SLC35D4: variants seen among roughly 807,000 people sequenced by gnomAD.
SLC35D4 encodes UDP-N-acetylglucosamine transporter SLC35D4.
the SLC35D4 span, chr18:23,384,879 T>G: frequency 1.1e-6 from 1 of 885,812 alleles, no homozygotes; most frequent in Non-Finnish European, 1.8e-6. Flanking sequence ...TAATCTTGCC[T>G]GGAGATTGGT....
chr18:23,277,563 G>C, the SLC35D4 span, among the ~76,000 whole-genome samples: 1 of 152,196 alleles, frequency 6.6e-6, no homozygotes, highest in Admixed American at 6.5e-5. Flanking sequence ...AGCTTCAGCA[G>C]GCTAGTCTGG....
At chr18:23,418,769 A>T in the SLC35D4 span, among the ~76,000 whole-genome samples, 3 of 151,904 alleles carry the variant, frequency 2.0e-5, no homozygotes, top group Non-Finnish European at 4.4e-5. Flanking sequence ...GCACTTTGGG[A>T]GGCCGAAGCG....
the SLC35D4 span, among the ~76,000 whole-genome samples, chr18:23,275,168 G>A: frequency 6.6e-6 from 1 of 151,948 alleles, no homozygotes; most frequent in Admixed American, 6.6e-5. Context: ...GCAGGGTGCA[G>A]GGAGGGGCAG....
At chr18:23,363,731 GTGGCAGCTACC>G in the SLC35D4 span, among the ~76,000 whole-genome samples, 3 of 152,156 alleles carry the variant, frequency 2.0e-5, no homozygotes, top group South Asian at 6.2e-4. Context: ...TGTCTGCTGG[GTGGCAGCTACC>G]TGGCTGCATA....
At chr18:23,371,935 G>GTTTTTTGTTTTT in the SLC35D4 span, among the ~76,000 whole-genome samples, 10 of 35,470 alleles carry the variant, frequency 2.8e-4, 1 homozygote, top group African/African-American at 1.1e-3. Flanking sequence ...TGTTTTTTTT[G>GTTTTTTGTTTTT]TTTTTTTTTT....
At chr18:23,319,095 C>T in the SLC35D4 span, among the ~76,000 whole-genome samples, 4 of 151,918 alleles carry the variant, frequency 2.6e-5, no homozygotes, top group African/African-American at 7.3e-5. Flanking sequence ...CCACCCACCT[C>T]GGCCTCCCAG....
At chr18:23,390,616 A>G in the SLC35D4 span, among the ~76,000 whole-genome samples, 4 of 152,098 alleles carry the variant, frequency 2.6e-5, no homozygotes, top group African/African-American at 9.7e-5. Context: ...TGGAATTTTG[A>G]AGGCTTGGTT....
the SLC35D4 span, chr18:23,297,873 C>T: frequency 1.7e-5 from 18 of 1,034,528 alleles, no homozygotes; most frequent in Non-Finnish European, 2.6e-5. Context: ...ATGGCACTGC[C>T]CACCTGGCCT....
At chr18:23,306,409 C>T in the SLC35D4 span, among the ~76,000 whole-genome samples, 1,014 of 152,076 alleles carry the variant, frequency 6.7e-3, 6 homozygotes, top group Middle Eastern at 0.01. Flanking sequence ...CGGGTTCAAG[C>T]GATTCTCCTG....
the SLC35D4 span, among the ~76,000 whole-genome samples, chr18:23,287,038 A>G: frequency 0.16 from 23,497 of 145,810 alleles, 2,583 homozygotes; most frequent in African/African-American, 0.26. Context: ...CCCGCTCAAT[A>G]CCAATATCCC....
At chr18:23,405,014 A>C in the SLC35D4 span, among the ~76,000 whole-genome samples, 4 of 150,694 alleles carry the variant, frequency 2.7e-5, no homozygotes, top group Admixed American at 2.6e-4. Context: ...AAAAAAAAAA[A>C]AAAAAAAAAC....
the SLC35D4 span, among the ~76,000 whole-genome samples, chr18:23,312,933 C>T: frequency 6.6e-6 from 1 of 151,890 alleles, no homozygotes; most frequent in Non-Finnish European, 1.5e-5. Context: ...CAAGACCATC[C>T]TGGCTAACAT....
At chr18:23,404,996 A>C in the SLC35D4 span, among the ~76,000 whole-genome samples, 3,960 of 49,340 alleles carry the variant, frequency 0.08, 28 homozygotes, top group East Asian at 0.15. Context: ...CCGTCTCAAA[A>C]AAAAAAAAAA....
chr18:23,248,025 A>G, the SLC35D4 span, among the ~76,000 whole-genome samples: 9 of 152,154 alleles, frequency 5.9e-5, no homozygotes, highest in African/African-American at 2.2e-4. Context: ...AGACCCCAAG[A>G]GCTAGGACAA....
At chr18:23,408,546 C>G in the SLC35D4 span, among the ~76,000 whole-genome samples, 1 of 152,152 alleles carries the variant, frequency 6.6e-6, no homozygotes, top group Non-Finnish European at 1.5e-5. Flanking sequence ...AACAGAATTG[C>G]TGGTGTTGAC....
chr18:23,428,896 T>C, the SLC35D4 span, among the ~76,000 whole-genome samples: 2 of 152,244 alleles, frequency 1.3e-5, no homozygotes, highest in Non-Finnish European at 2.9e-5. Context: ...TATGTCCATG[T>C]GTACCCAATG....
chr18:23,326,832 C>A, the SLC35D4 span, among the ~76,000 whole-genome samples: 1 of 152,168 alleles, frequency 6.6e-6, no homozygotes, highest in African/African-American at 2.4e-5. Context: ...TGTAAAAGAA[C>A]AGAAATCACA....
At chr18:23,285,920 G>A in the SLC35D4 span, among the ~76,000 whole-genome samples, 5 of 151,666 alleles carry the variant, frequency 3.3e-5, no homozygotes, top group Admixed American at 1.3e-4. Flanking sequence ...CAAATCAGAC[G>A]GCGTTTAGGC....
At chr18:23,358,490 C>T in the SLC35D4 span, among the ~76,000 whole-genome samples, 2 of 151,986 alleles carry the variant, frequency 1.3e-5, no homozygotes, top group African/African-American at 2.4e-5. Flanking sequence ...ATAACCCCCA[C>T]CCAAATCCTG....
Sources: gnomAD v4.1 joint callset for allele counts (sites outside exome capture counted in the v4.1 genomes callset) on GRCh38, gnomAD v4.1.1 for gene constraint, MANE v1.5 for transcripts, NCBI Gene and HGNC (gene_info 2026-07-23, HGNC 2026-07-21) for gene names.